Variants in CTNND2 observed in about 807,000 individuals in gnomAD.
CTNND2 encodes catenin delta-2.
In CTNND2, 22 loss-of-function variants were observed where a neutral mutation model predicts 144.4. That is an observed-to-expected ratio of 0.15 (90% CI 0.11 to 0.22). The LOEUF (loss-of-function observed/expected upper bound fraction) is 0.22, where lower values mean the gene tolerates loss of function less well. Among genes scored for constraint, CTNND2 ranks in the 10% least tolerant of loss-of-function variants. The pLI is 1.00. For missense variants in CTNND2, 1,353 were observed against 1,618.8 expected (o/e 0.84, Z 2.82); for synonymous variants, 751 against 695.6 (o/e 1.08, Z -1.25).
Position 11,300,937 on chromosome 5 carries a change from A to G in CTNND2, c.1628+45435T>C, listed in dbSNP as rs924158944. 2.0e-5 allele frequency among the ~76,000 whole-genome samples: 3 copies of G among 152,154 alleles called. No homozygotes were observed. The East Asian group carries it at 5.8e-4, about 29-fold the overall frequency. On this transcript the variant is annotated intron_variant, in intron 9 of 21. Coordinates refer to ENST00000304623, the MANE Select transcript of CTNND2 (RefSeq NM_001332.4). ...GGGCACAATCTGACACTGATGGGGA[A>G]GATACTGATGGGGAAGAAAACAAAA...
intron 2 of CTNND2, among the ~76,000 whole-genome samples, chr5:11,613,425 TAA>T (rs1380873761): frequency 1.3e-5 from 2 of 152,174 alleles, no homozygotes; most frequent in Non-Finnish European, 2.9e-5. Context: ...TTCAAAATGA[TAA>T]GAGAAAAATG....
chr5:11,234,779 T>C (rs1282074983), intron 10 of CTNND2, among the ~76,000 whole-genome samples: 1 of 152,166 alleles, frequency 6.6e-6, no homozygotes. Flanking sequence ...TCTGACTCTA[T>C]CTCTTGATGT....
At chr5:11,028,555 AC>A (rs1399158950) in intron 16 of CTNND2, among the ~76,000 whole-genome samples, 2 of 152,002 alleles carry the variant, frequency 1.3e-5, no homozygotes, top group Admixed American at 6.6e-5. Flanking sequence ...GTCCCTGGAA[AC>A]CCCCATTCTA....
chr5:11,722,014 T>A (rs1786718549), intron 2 of CTNND2, among the ~76,000 whole-genome samples: 1 of 152,216 alleles, frequency 6.6e-6, no homozygotes, highest in Non-Finnish European at 1.5e-5. Context: ...AGGCTAAGTT[T>A]ATTGTCACAA....
At chr5:11,777,859 G>A (rs10474934) in intron 1 of CTNND2, among the ~76,000 whole-genome samples, 11,602 of 152,082 alleles carry the variant, frequency 0.076, 1,171 homozygotes, top group African/African-American at 0.23. Context: ...AGGTGATTTT[G>A]AGATATCTAA....
At chr5:11,411,452 CTCA>C (rs1195573529) in intron 5 of CTNND2, 81 bp downstream of exon 5, 1 of 742,610 alleles carries the variant, frequency 1.3e-6, no homozygotes, top group African/African-American at 1.8e-5. Flanking sequence ...TTTGATATGG[CTCA>C]TAACAGTAAT....
rs543759377 is a variant in CTNND2, at chr5:11,618,649, G to A, written c.175-53593C>T. 2.3e-4 allele frequency among the ~76,000 whole-genome samples: 35 copies of A among 152,152 alleles called. No homozygotes were observed. In the South Asian group the frequency reaches 3.1e-3, roughly 14 times the overall value. ...TATTTTTCCACACCTCTGACTATCC[G>A]AAATTTTACCAAGAAATAATTACCA... On this transcript the variant is annotated intron_variant, in intron 2 of 21. Transcript: ENST00000304623.
At chr5:11,680,112 T>C (rs951850551) in intron 2 of CTNND2, among the ~76,000 whole-genome samples, 1 of 151,872 alleles carries the variant, frequency 6.6e-6, no homozygotes, top group Non-Finnish European at 1.5e-5. Flanking sequence ...TCCAGACAAA[T>C]GGGGCATTTT....
At chr5:11,236,412 C>T (rs1741641980) in intron 10 of CTNND2, among the ~76,000 whole-genome samples, 1 of 152,188 alleles carries the variant, frequency 6.6e-6, no homozygotes, top group African/African-American at 2.4e-5. Context: ...AAAGACAAAT[C>T]ACGTTCCAAG....
Position 11,149,265 on chromosome 5 carries a change from G to A in CTNND2, c.2159+10311C>T, listed in dbSNP as rs571805652. ...AGCAGTCAGCACCCATCACGGTGAC[G>A]CTTTCCTTTGGCAGAACCCTCATGT... On this transcript the variant is annotated intron_variant, in intron 12 of 21. Coordinates refer to ENST00000304623, the MANE Select transcript of CTNND2 (RefSeq NM_001332.4). Among the ~76,000 whole-genome samples, 53 of 152,274 alleles carry A rather than the reference G, an allele frequency of 3.5e-4. No individual in the cohort carries two copies. In the South Asian group the frequency reaches 8.1e-3, roughly 23 times the overall value.
chr5:11,556,937 A>C (rs917213003), intron 3 of CTNND2, among the ~76,000 whole-genome samples: 1 of 152,134 alleles, frequency 6.6e-6, no homozygotes, highest in African/African-American at 2.4e-5. Flanking sequence ...AGTTGTCCTT[A>C]TTCTATAGTA....
intron 1 of CTNND2, among the ~76,000 whole-genome samples, chr5:11,736,181 T>C (rs1423556974): frequency 6.7e-6 from 1 of 149,652 alleles, no homozygotes; most frequent in Non-Finnish European, 1.5e-5. Context: ...TACTAACTAA[T>C]TTTTATAAAA....
At chr5:11,391,532 C>T (rs1025206370) in intron 6 of CTNND2, among the ~76,000 whole-genome samples, 2 of 152,202 alleles carry the variant, frequency 1.3e-5, no homozygotes, top group African/African-American at 4.8e-5. Flanking sequence ...AATGAATTTG[C>T]TTGAGCATGC....
chr5:11,040,050 G>T (rs978313069), intron 16 of CTNND2, among the ~76,000 whole-genome samples: 1 of 151,616 alleles, frequency 6.6e-6, no homozygotes, highest in Non-Finnish European at 1.5e-5. Flanking sequence ...TTAACAGAGT[G>T]AACTCTGTCT....
intron 2 of CTNND2, among the ~76,000 whole-genome samples, chr5:11,583,066 A>G (rs1581554677): frequency 6.6e-6 from 1 of 152,374 alleles, no homozygotes; most frequent in Non-Finnish European, 1.5e-5. Context: ...CCTTCTAAAA[A>G]TGAATGCAAA....
intron 3 of CTNND2, among the ~76,000 whole-genome samples, chr5:11,463,722 C>T (rs566111440): frequency 4.6e-5 from 7 of 151,486 alleles, no homozygotes; most frequent in African/African-American, 7.3e-5. Context: ...TATATCATGA[C>T]GCAAAAAGCA....
At chr5:11,535,343 A>C (rs543342146) in intron 3 of CTNND2, among the ~76,000 whole-genome samples, 2 of 152,324 alleles carry the variant, frequency 1.3e-5, no homozygotes, top group South Asian at 4.1e-4. Context: ...TATGGTGTAA[A>C]ATGTGCTTCA....
chr5:11,509,744 T>C (rs890397982), intron 3 of CTNND2, among the ~76,000 whole-genome samples: 1 of 152,228 alleles, frequency 6.6e-6, no homozygotes, highest in Non-Finnish European at 1.5e-5. Flanking sequence ...TACTTCTCTT[T>C]CGGCAGAAAT....
intron 1 of CTNND2, among the ~76,000 whole-genome samples, chr5:11,743,948 C>A (rs897130532): frequency 1.3e-5 from 2 of 152,064 alleles, no homozygotes; most frequent in Non-Finnish European, 2.9e-5. Context: ...TAATTTCCAC[C>A]TGAGTTATTA....
Sources: gnomAD v4.1 joint callset for allele counts (sites outside exome capture counted in the v4.1 genomes callset) on GRCh38, gnomAD v4.1.1 for gene constraint, MANE v1.5 for transcripts, NCBI Gene and HGNC (gene_info 2026-07-23, HGNC 2026-07-21) for gene names.